The following MAP4K4 variants were observed in gnomAD, a reference collection of about 807,000 sequenced individuals.
MAP4K4 encodes HPK/GCK-like kinase HGK.
Under a neutral mutation model 189.6 loss-of-function variants are expected in MAP4K4, and 38 were observed. That is an observed-to-expected ratio of 0.20 (90% CI 0.15 to 0.26). The LOEUF is 0.26. MAP4K4 is among the 10% of genes least tolerant of loss of function. The pLI, the probability that MAP4K4 is intolerant of heterozygous loss-of-function variation, is 1.00. For synonymous variants in MAP4K4, 610 were observed against 624.3 expected (o/e 0.98, Z 0.34); for missense variants, 1,054 against 1,726.9 (o/e 0.61, Z 6.91).
chr2:101,782,264 G>A (rs564443805), intron 2 of MAP4K4, among the ~76,000 whole-genome samples: 1 of 152,312 alleles, frequency 6.6e-6, no homozygotes, highest in Non-Finnish European at 1.5e-5. Flanking sequence ...ATTAGGTAAA[G>A]TCTTACCATA....
intron 26 of MAP4K4, among the ~76,000 whole-genome samples, chr2:101,876,171 A>G (rs1037919425): frequency 6.6e-6 from 1 of 152,108 alleles, no homozygotes; most frequent in Non-Finnish European, 1.5e-5. Context: ...GTTTCAGTAG[A>G]GATCTGCAGT....
rs528321301 is a variant in MAP4K4, at chr2:101,761,197, A to G, written c.124-29523A>G. 7.9e-5 allele frequency among the ~76,000 whole-genome samples: 12 copies of G among 152,360 alleles called. 1 individual carries two copies. In the South Asian group the frequency reaches 2.5e-3, roughly 32 times the overall value. On this transcript the variant is annotated intron_variant, in intron 2 of 32. Coordinates refer to ENST00000324219, the Ensembl canonical transcript of MAP4K4. ...TGAAGTTGCTATAGAAGTTAAAGATACTATCATTGTAATGTGATTTTCTTT... is the reference window on the plus strand; with the variant it reads ...TGAAGTTGCTATAGAAGTTAAAGATGCTATCATTGTAATGTGATTTTCTTT...
chr2:101,790,309 G>C (rs557519761), intron 2 of MAP4K4, among the ~76,000 whole-genome samples: 18 of 152,012 alleles, frequency 1.2e-4, no homozygotes, highest in African/African-American at 4.3e-4. Context: ...GGAAAGGATG[G>C]CCAACATGAT....
chr2:101,841,565 T>A (rs1302049571), intron 10 of MAP4K4, among the ~76,000 whole-genome samples: 2 of 151,974 alleles, frequency 1.3e-5, no homozygotes, highest in African/African-American at 4.8e-5. Context: ...GCCTCCCAGG[T>A]TCAAGTGATT....
chr2:101,830,449 A>G (rs1214608364), intron 6 of MAP4K4, among the ~76,000 whole-genome samples: 1 of 152,176 alleles, frequency 6.6e-6, no homozygotes, highest in Non-Finnish European at 1.5e-5. Flanking sequence ...TCAAAATTTT[A>G]AATAGAGTTT....
chr2:101,773,647 C>G (rs191088942), intron 2 of MAP4K4, among the ~76,000 whole-genome samples: 1 of 152,252 alleles, frequency 6.6e-6, no homozygotes, highest in East Asian at 1.9e-4. Context: ...TTATTATTGA[C>G]TATAGGCACC....
chr2:101,877,209 C>T, intron 27 of MAP4K4, 63 bp downstream of exon 27: 1 of 1,534,240 alleles, frequency 6.5e-7, no homozygotes, highest in Non-Finnish European at 9.0e-7. Context: ...TAGCTTTACA[C>T]ACTAAACTTC....
chr2:101,770,847 A>G (rs763728879), intron 2 of MAP4K4, among the ~76,000 whole-genome samples: 16 of 152,178 alleles, frequency 1.1e-4, no homozygotes, highest in South Asian at 4.1e-4. Flanking sequence ...GGAGTAGACA[A>G]CTGTCACCAG....
exon 33 of MAP4K4, chr2:101,891,649 G>T: frequency 5.9e-6 from 1 of 169,758 alleles, no homozygotes; most frequent in Non-Finnish European, 1.3e-5. Context: ...ATTGGCAGTG[G>T]GCACAAGGAG....
intron 2 of MAP4K4, among the ~76,000 whole-genome samples, chr2:101,757,077 CA>C (rs1261445952): frequency 1.3e-5 from 2 of 152,240 alleles, no homozygotes; most frequent in South Asian, 4.2e-4. Flanking sequence ...GAGATGGCTT[CA>C]CAACTATCTG....
intron 28 of MAP4K4, among the ~76,000 whole-genome samples, chr2:101,884,128 T>A (rs528521554): frequency 1.2e-4 from 19 of 152,314 alleles, no homozygotes; most frequent in Admixed American, 3.9e-4. Context: ...ACAGAATGAA[T>A]CACAAGTATT....
chr2:101,723,861 A>T (rs2053663903), intron 2 of MAP4K4, among the ~76,000 whole-genome samples: 1 of 152,106 alleles, frequency 6.6e-6, no homozygotes. Context: ...CTCTCACAGC[A>T]TTTCATGTCA....
At chr2:101,729,753 C>T (rs1186485810) in intron 2 of MAP4K4, among the ~76,000 whole-genome samples, 9 of 152,154 alleles carry the variant, frequency 5.9e-5, no homozygotes, top group African/African-American at 9.7e-5. Flanking sequence ...CCACACCACC[C>T]GCTCCTTGAT....
chr2:101,831,644 C>T, intron 6 of MAP4K4, 77 bp from the exon 7 acceptor site: 1 of 1,455,412 alleles, frequency 6.9e-7, no homozygotes, highest in East Asian at 2.5e-5. Flanking sequence ...ACATTTCCTC[C>T]TTGTGTTTTT....
chr2:101,831,536 C>T (rs779188376), intron 6 of MAP4K4, among the ~76,000 whole-genome samples, 185 bp from the exon 7 acceptor site: 6 of 151,904 alleles, frequency 3.9e-5, no homozygotes, highest in African/African-American at 9.7e-5. Flanking sequence ...CTCACAGTCT[C>T]GGTGGCTTTA....
intron 2 of MAP4K4, among the ~76,000 whole-genome samples, chr2:101,782,107 T>A (rs966337609): frequency 6.6e-6 from 1 of 152,234 alleles, no homozygotes; most frequent in African/African-American, 2.4e-5. Context: ...TACCTTTTAA[T>A]GTGCTCAAGA....
chr2:101,867,982 C>T (rs1371969646), intron 20 of MAP4K4, 47 bp from the exon 21 acceptor site: 2 of 1,608,280 alleles, frequency 1.2e-6, no homozygotes, highest in Non-Finnish European at 1.7e-6. Flanking sequence ...GTGCATTCCT[C>T]ATCAACGATG....
intron 2 of MAP4K4, among the ~76,000 whole-genome samples, chr2:101,750,623 C>T (rs964405093): frequency 6.6e-6 from 1 of 151,028 alleles, no homozygotes; most frequent in Non-Finnish European, 1.5e-5. Context: ...AACTAACCTG[C>T]ACAATGTGCA....
chr2:101,710,229 T>C lies in MAP4K4; in HGVS notation c.123+11691T>C, dbSNP rs545489185. 2.6e-4 allele frequency among the ~76,000 whole-genome samples: 39 copies of C among 152,374 alleles called. No homozygotes were observed. The South Asian group carries it at 4.8e-3, about 19-fold the overall frequency. On this transcript the variant is annotated intron_variant, in intron 2 of 32. Coordinates refer to ENST00000324219, the Ensembl canonical transcript of MAP4K4. ...TAAGTGACACAATTCACTGGGTGTA[T>C]TCATTCACCTGCTAGGGCATGACTC...
Sources: allele counts gnomAD v4.1 joint callset (sites outside exome capture counted in the v4.1 genomes callset), GRCh38; gene constraint gnomAD v4.1.1; transcripts MANE v1.5; gene names NCBI Gene and HGNC (gene_info 2026-07-23, HGNC 2026-07-21).